Variants in AKAP13 observed in about 807,000 individuals in gnomAD.
AKAP13 encodes A-kinase anchoring protein 13, also known as A-kinase anchor protein 13.
AKAP13 carries 80 observed loss-of-function variants against 264.5 expected under a neutral mutation model. The observed-to-expected ratio is 0.30, with a 90% CI of 0.25 to 0.36. AKAP13 has a LOEUF of 0.36. Ranked by LOEUF, AKAP13 falls within the 10% of genes least tolerant of loss-of-function variation. AKAP13 has a pLI of 1.00. For synonymous variants in AKAP13, 1,380 were observed against 1,250.2 expected (o/e 1.10, Z -2.19); for missense variants, 3,712 against 3,435.2 (o/e 1.08, Z -2.01).
chr15:85,511,753 A>C (rs2076430273), intron 2 of AKAP13, among the ~76,000 whole-genome samples: 1 of 152,160 alleles, frequency 6.6e-6, no homozygotes, highest in Non-Finnish European at 1.5e-5. Context: ...TGGCCTCCCC[A>C]GGGGCTGGGA....
chr15:85,608,847 G>A (rs2080471442), intron 8 of AKAP13, among the ~76,000 whole-genome samples: 1 of 152,204 alleles, frequency 6.6e-6, no homozygotes, highest in African/African-American at 2.4e-5. Flanking sequence ...AGATTAGACT[G>A]GATGAAGCTA....
chr15:85,723,208 G>A lies in AKAP13; in HGVS notation c.6633G>A (p.Lys2211=). Residue 2211 remains lysine, a synonymous_variant, in exon 26 of 37, where the codon AAG becomes AAA. Transcript: ENST00000394518. ...AGATTTATACAAAGACAGATAGCAA[G>A]TCAATCATGAGGATGAAGAGTGGTC... is the stretch of plus-strand genomic sequence containing the variant. ...LNEIYTKTDS[K]SIMRMKSGQM... The A allele has an allele frequency of 1.2e-6, 2 of 1,614,198 alleles. No individual in the cohort carries two copies. The highest frequency in any genetic ancestry group is 1.7e-6 in the Non-Finnish European group (2 of 1,180,024).
At chr15:85,483,176 C>T (rs1323553318) in intron 1 of AKAP13, among the ~76,000 whole-genome samples, 1 of 152,192 alleles carries the variant, frequency 6.6e-6, no homozygotes, top group Non-Finnish European at 1.5e-5. Flanking sequence ...ACATAGTCAT[C>T]CGAAGTTTCT....
At chr15:85,449,607 GT>G (rs2074013904) in intron 1 of AKAP13, among the ~76,000 whole-genome samples, 1 of 152,160 alleles carries the variant, frequency 6.6e-6, no homozygotes, top group Admixed American at 6.6e-5. Context: ...TCAATACCTA[GT>G]TTATTGAGAG....
At chr15:85,525,081 T>TG (rs1236109806) in intron 3 of AKAP13, among the ~76,000 whole-genome samples, 1 of 131,068 alleles carries the variant, frequency 7.6e-6, no homozygotes, top group Admixed American at 8.3e-5. Flanking sequence ...TTTTTTGAGA[T>TG]GGAGTCTCGC....
intron 1 of AKAP13, among the ~76,000 whole-genome samples, chr15:85,395,232 A>G (rs1249482899): frequency 6.6e-6 from 1 of 152,184 alleles, no homozygotes; most frequent in Non-Finnish European, 1.5e-5. Flanking sequence ...TTTTATAATG[A>G]ATGAGAATCT....
At chr15:85,536,625 G>A (rs1039510610) in intron 4 of AKAP13, 2 of 152,174 alleles carry the variant, frequency 1.3e-5, no homozygotes, top group South Asian at 2.1e-4. Flanking sequence ...TCCATACAGT[G>A]GAATACTACT....
At chr15:85,550,778 A>G (rs1291076634) in intron 5 of AKAP13, among the ~76,000 whole-genome samples, 3 of 152,222 alleles carry the variant, frequency 2.0e-5, no homozygotes, top group Non-Finnish European at 4.4e-5. Context: ...CCCATTCATC[A>G]GTCTGTCCAT....
In AKAP13 at chr15:85,645,922, A is replaced by G; in HGVS notation, c.4342A>G (p.Ser1448Gly). 1 of 1,613,938 alleles carries G rather than the reference A, an allele frequency of 6.2e-7. No homozygotes were observed. The highest frequency in any genetic ancestry group is 1.1e-5 in the South Asian group (1 of 91,078). Reference sequence around the variant, plus strand: ...TGATTCTGACCTCTTTCACTCACCCAGTGATGACATGGACAGCATCATCTT... The same window carrying G: ...TGATTCTGACCTCTTTCACTCACCCGGTGATGACATGGACAGCATCATCTT... ...GSDSDLFHSP[S>G]DDMDSIIFPK... The change falls in exon 10 of 37, where the codon AGT (serine) becomes GGT (glycine). Residue 1448 changes from serine to glycine, a missense_variant. Coordinates refer to ENST00000394518, the MANE Select transcript of AKAP13 (RefSeq NM_007200.5).
chr15:85,423,938 A>G (rs2072645685), intron 1 of AKAP13, among the ~76,000 whole-genome samples: 1 of 152,194 alleles, frequency 6.6e-6, no homozygotes, highest in African/African-American at 2.4e-5. Flanking sequence ...GTGCATTGTG[A>G]GTGAGCAGGA....
chr15:85,481,314 T>A (rs2075345956), intron 1 of AKAP13, among the ~76,000 whole-genome samples: 1 of 152,184 alleles, frequency 6.6e-6, no homozygotes, highest in Non-Finnish European at 1.5e-5. Flanking sequence ...ACACTGCACT[T>A]TATGAAGAAA....
At chr15:85,619,728 A>G in intron 8 of AKAP13, 1 of 1,008,006 alleles carries the variant, frequency 9.9e-7, no homozygotes, top group African/African-American at 1.7e-5. Flanking sequence ...TTTATTCTTT[A>G]TTTTTTTACT....
At position 85,580,702 on chromosome 15, in the gene AKAP13, A is replaced by G. The variant is rs772920587; in HGVS notation, c.2634A>G (p.Pro878=). The G allele has an allele frequency of 6.8e-6, 11 of 1,614,182 alleles. No homozygotes were observed. The highest frequency in any genetic ancestry group is 1.6e-4 in the Middle Eastern group (1 of 6,062). The change falls in exon 7 of 37, where the codon CCA becomes CCG. Residue 878 remains proline (P), a synonymous_variant. Transcript: ENST00000394518. ...GAGAGCATGAGGGTCCCGCCCCTCC[A>G]GCAATCCCAGAAGCTCTGAATATCA... ...LGGEHEGPAP[P]AIPEALNIKG...
intron 7 of AKAP13, among the ~76,000 whole-genome samples, chr15:85,583,505 G>T (rs2079207569): frequency 6.6e-6 from 1 of 152,124 alleles, no homozygotes; most frequent in African/African-American, 2.4e-5. Flanking sequence ...TTTAAATGAG[G>T]TCTCTAATTT....
intron 2 of AKAP13, 152 bp from the exon 3 acceptor site, chr15:85,521,276 G>A (rs2076814047): frequency 1.2e-6 from 1 of 848,048 alleles, no homozygotes; most frequent in Non-Finnish European, 1.9e-6. Context: ...TGGTGTATAA[G>A]TGCTCAATCT....
Position 85,525,280 on chromosome 15 carries a change from G to A in AKAP13, c.181+3705G>A, listed in dbSNP as rs577628302. On this transcript the variant is annotated intron_variant, in intron 3 of 36. Coordinates refer to ENST00000394518, the MANE Select transcript of AKAP13 (RefSeq NM_007200.5). ...TCACCGTGTTAGCCAGGATGGTCTC[G>A]ATCTCCTGACCTCGTGATCCACCTG... Among the ~76,000 whole-genome samples the A allele has an allele frequency of 7.8e-4, 119 of 152,078 alleles. 2 individuals carry two copies. Among genetic ancestry groups the A allele is most frequent in the East Asian group, 7.7e-4 (4 of 5,162 alleles).
chr15:85,617,240 G>T (rs2080977933), intron 8 of AKAP13, among the ~76,000 whole-genome samples: 1 of 138,374 alleles, frequency 7.2e-6, no homozygotes, highest in Non-Finnish European at 1.5e-5. Flanking sequence ...TGTTGTTGTT[G>T]TTGTTTTTGT....
chr15:85,611,412 T>C (rs1226490449), intron 8 of AKAP13, among the ~76,000 whole-genome samples: 1 of 152,228 alleles, frequency 6.6e-6, no homozygotes, highest in East Asian at 1.9e-4. Context: ...TTTACCTAGT[T>C]GTTCAGGACA....
intron 8 of AKAP13, among the ~76,000 whole-genome samples, chr15:85,597,348 C>G (rs1028167870): frequency 7.9e-5 from 12 of 152,170 alleles, no homozygotes; most frequent in Non-Finnish European, 1.6e-4. Context: ...TAGACATCAC[C>G]TGTCACTGAA....
Sources: allele counts gnomAD v4.1 joint callset (sites outside exome capture counted in the v4.1 genomes callset), GRCh38; gene constraint gnomAD v4.1.1; transcripts MANE v1.5; gene names NCBI Gene and HGNC (gene_info 2026-07-23, HGNC 2026-07-21).